The following SLC22A5 variants were observed in gnomAD, a reference collection of about 807,000 sequenced individuals.
The protein encoded by SLC22A5 is solute carrier family 22 member 5, also known as organic cation/carnitine transporter 2.
A neutral mutation model predicts 56.7 loss-of-function variants in SLC22A5; 44 were observed. The ratio of observed to expected loss-of-function variants is 0.78; its 90% CI spans 0.61 to 1.00. The LOEUF is 1.00. Ranked by LOEUF, SLC22A5 falls within the 50% of genes least tolerant of loss-of-function variation. SLC22A5 has a pLI of 0.00. For synonymous variants in SLC22A5, 278 were observed against 292.1 expected, an observed-to-expected ratio of 0.95 and a Z score of 0.49; for missense variants, 675 against 723.0, an observed-to-expected ratio of 0.93 and a Z score of 0.76.
At chr5:132,393,578 A>G in intron 8 of SLC22A5, 98 bp from the exon 9 acceptor site, 1 of 1,381,264 alleles carries the variant, frequency 7.2e-7, no homozygotes, top group Non-Finnish European at 1.0e-6. Context: ...CAAGAAGGAA[A>G]GTGATCCCCT....
chr5:132,390,655 C>G (rs751414281), intron 6 of SLC22A5, 35 bp from the exon 7 acceptor site: 1 of 1,471,870 alleles, frequency 6.8e-7, no homozygotes, highest in Non-Finnish European at 9.5e-7. Context: ...GATGTGGATA[C>G]TGCTTTTCCA....
chr5:132,370,519 G>A (rs937258170), intron 1 of SLC22A5, among the ~76,000 whole-genome samples, 154 bp downstream of exon 1: 3 of 152,226 alleles, frequency 2.0e-5, no homozygotes, highest in African/African-American at 4.8e-5. Flanking sequence ...CTCCAGCCAG[G>A]TGGCTTGGGA....
intron 1 of SLC22A5, among the ~76,000 whole-genome samples, chr5:132,375,073 T>C (rs1752089678): frequency 6.6e-6 from 1 of 152,036 alleles, no homozygotes; most frequent in South Asian, 2.1e-4. Flanking sequence ...AAAAGAGTAT[T>C]CTGGAGATTG....
intron 2 of SLC22A5, chr5:132,380,667 C>T (rs1330371565): frequency 6.6e-6 from 1 of 152,034 alleles, no homozygotes. Flanking sequence ...GCTTTCTGGC[C>T]TGAGTAACTG....
rs377069432 is a variant in SLC22A5, at chr5:132,390,680, T to C, written c.1053-10T>C. 8.1e-6 allele frequency: 13 copies of C among 1,601,140 alleles called. No homozygotes were observed. In the African/African-American group the frequency reaches 9.4e-5, roughly 12 times the overall value. On this transcript the variant is annotated splice_polypyrimidine_tract_variant and intron_variant, in intron 6 of 9. Coordinates refer to ENST00000245407, the MANE Select transcript of SLC22A5 (RefSeq NM_003060.4). ...CTGCTTTTCCAGCTTTCTTCTGCAC[T>C]CTGTTTCAGGATGACCATATCAGTG...
At chr5:132,381,396 C>G (rs906530722) in intron 2 of SLC22A5, 3 of 152,232 alleles carry the variant, frequency 2.0e-5, no homozygotes, top group African/African-American at 4.8e-5. Context: ...CAGCCCCTGC[C>G]TTCAATTCCC....
chr5:132,379,298 C>T (rs1752263919), intron 2 of SLC22A5: 1 of 152,232 alleles, frequency 6.6e-6, no homozygotes, highest in Admixed American at 6.5e-5. Context: ...TAGCAGCCTT[C>T]AGCAAGTCCT....
At chr5:132,388,900 C>T in intron 5 of SLC22A5, 21 bp from the exon 6 acceptor site, 1 of 1,512,664 alleles carries the variant, frequency 6.6e-7, no homozygotes, top group South Asian at 1.1e-5. Flanking sequence ...TTCCCATACA[C>T]TTATGATGTT....
At chr5:132,371,087 C>G (rs986903087) in intron 1 of SLC22A5, among the ~76,000 whole-genome samples, 12 of 151,942 alleles carry the variant, frequency 7.9e-5, no homozygotes, top group Non-Finnish European at 8.8e-5. Flanking sequence ...TCAAGTGATT[C>G]TCCTGCCTCA....
rs547925661 is a variant in SLC22A5, at chr5:132,387,153, T to G, written c.951+2T>G. On this transcript the variant is annotated splice_donor_variant, in intron 5 of 9. Transcript: ENST00000245407. LOFTEE classifies it high-confidence loss of function. ...TCCACTATCTTTGACCCGAGTGAGG[T>G]AAGCACCATGTGGGTGTGGGTGAGA... The G allele has an allele frequency of 6.2e-7, 1 of 1,614,044 alleles. No individual in the cohort carries two copies. Among genetic ancestry groups the G allele is most frequent in the South Asian group, 1.1e-5 (1 of 91,080 alleles).
chr5:132,387,289 TC>T (rs1479926154), intron 5 of SLC22A5, 138 bp downstream of exon 5: 10 of 827,098 alleles, frequency 1.2e-5, no homozygotes, highest in Admixed American at 1.1e-4. Context: ...ATTCCCCCCA[TC>T]CCCCCACTCC....
At position 132,384,258 on chromosome 5, in the gene SLC22A5, A is replaced by G. The variant is rs1457776029; in HGVS notation, c.609A>G (p.Val203=). 4 of 1,614,228 alleles carry G rather than the reference A, an allele frequency of 2.5e-6. No homozygotes were observed. The East Asian group carries it at 8.9e-5, about 36-fold the overall frequency. ...FEMFVVLFVL[V]GMGQISNYVA... ...TGTTTGTCGTGCTGTTTGTCCTTGTAGGCATGGGCCAGATCTCCAACTATG... is the reference window on the plus strand; with the variant it reads ...TGTTTGTCGTGCTGTTTGTCCTTGTGGGCATGGGCCAGATCTCCAACTATG... Residue 203 remains valine, a synonymous_variant, in exon 3 of 10, where the codon GTA becomes GTG. Coordinates refer to ENST00000245407, the MANE Select transcript of SLC22A5 (RefSeq NM_003060.4).
At chr5:132,387,304 C>T (rs953115764) in intron 5 of SLC22A5, among the ~76,000 whole-genome samples, 153 bp downstream of exon 5, 1 of 151,410 alleles carries the variant, frequency 6.6e-6, no homozygotes, top group South Asian at 2.1e-4. Context: ...CCACTCCCCA[C>T]CCCCACACGG....
chr5:132,370,031 T>C lies in SLC22A5; in HGVS notation c.59T>C (p.Leu20Pro). 1 of 1,613,396 alleles carries C rather than the reference T, an allele frequency of 6.2e-7. No individual in the cohort carries two copies. Among genetic ancestry groups the C allele is most frequent in the South Asian group, 1.1e-5 (1 of 91,072 alleles). The change falls in exon 1 of 10, where the codon CTC (leucine) becomes CCC (proline). Residue 20 changes from leucine to proline, a missense_variant. Coordinates refer to ENST00000245407, the MANE Select transcript of SLC22A5 (RefSeq NM_003060.4). ...GGCGAGTGGGGGCCCTTCCAGCGCC[T>C]CATCTTCTTCCTGCTCAGCGCCAGC... Reference protein sequence around the residue: ...FLGEWGPFQRLIFFLLSASII... With the variant: ...FLGEWGPFQRPIFFLLSASII...
At chr5:132,374,615 C>T (rs189628613) in intron 1 of SLC22A5, among the ~76,000 whole-genome samples, 9 of 152,254 alleles carry the variant, frequency 5.9e-5, no homozygotes, top group East Asian at 1.9e-4. Flanking sequence ...AAGCCACTTG[C>T]GGGGTCCCGT....
chr5:132,381,015 C>T (rs1024935497), intron 2 of SLC22A5: 2 of 152,044 alleles, frequency 1.3e-5, no homozygotes, highest in Non-Finnish European at 2.9e-5. Flanking sequence ...TTCCTTCTCA[C>T]GGAGCTAAGT....
chr5:132,385,260 A>G, intron 3 of SLC22A5, 68 bp from the exon 4 acceptor site: 1 of 1,342,278 alleles, frequency 7.5e-7, no homozygotes, highest in South Asian at 1.2e-5. Context: ...TCACAAAGAT[A>G]CCATAAAAAA....
In SLC22A5 at chr5:132,369,855, G is replaced by A. The variant is rs538643468; in HGVS notation, c.-118G>A. The stretch of plus-strand genomic sequence containing the variant: ...GCTCGCGAGCCTACCCTCCGCGGAC[G>A]GTCTTGGGTCGCCTGCTGCCTGGCT... On this transcript the variant is annotated 5_prime_UTR_variant, in exon 1 of 10. Coordinates refer to ENST00000245407, the MANE Select transcript of SLC22A5 (RefSeq NM_003060.4). 1,984 of 1,330,970 alleles carry A rather than the reference G, an allele frequency of 1.5e-3. 23 individuals carry two copies. The African/African-American group carries it at 0.024, about 16-fold the overall frequency. 82.4% of individuals were successfully genotyped at this position (1,330,970 alleles called of 1,614,324 possible). A position where few individuals can be genotyped will look rare whatever the true frequency, so the allele number is the denominator to read the frequency against.
chr5:132,393,851 T>C, intron 9 of SLC22A5, 40 bp downstream of exon 9: 1 of 1,613,076 alleles, frequency 6.2e-7, no homozygotes, highest in Non-Finnish European at 8.5e-7. Context: ...GCACTGGGTC[T>C]GGGTCTGGCC....
Sources: gnomAD v4.1 joint callset for allele counts (sites outside exome capture counted in the v4.1 genomes callset) on GRCh38, gnomAD v4.1.1 for gene constraint, MANE v1.5 for transcripts, NCBI Gene and HGNC (gene_info 2026-07-23, HGNC 2026-07-21) for gene names.